Variants in KATNIP observed in about 807,000 individuals in gnomAD.
KATNIP encodes the protein katanin interacting protein.
KATNIP carries 126 observed loss-of-function variants against 174.0 expected under a neutral mutation model. The ratio of observed to expected loss-of-function variants is 0.72; its 90% CI spans 0.63 to 0.84. KATNIP has a LOEUF of 0.84. Ranked by LOEUF, KATNIP falls within the 40% of genes least tolerant of loss-of-function variation. KATNIP has a pLI of 0.00. For synonymous variants in KATNIP, 810 were observed against 835.7 expected, an observed-to-expected ratio of 0.97 and a Z score of 0.53; for missense variants, 1,958 against 2,109.7, an observed-to-expected ratio of 0.93 and a Z score of 1.41.
In KATNIP at chr16:27,740,801, G is replaced by A. The variant is rs781637722; in HGVS notation, c.2504G>A (p.Ser835Asn). The A allele has an allele frequency of 3.1e-6, 5 of 1,614,168 alleles. No individual in the cohort carries two copies. In the South Asian group the frequency reaches 5.5e-5, roughly 18 times the overall value. Residue 835 changes from serine (S) to asparagine (N), a missense_variant, in exon 15 of 28, where the codon AGT becomes AAT. By Grantham distance (46) the Ser-to-Asn change is conservative. Transcript: ENST00000261588. ...CAGAGGGCAACCACCAAAGTCCACA[G>A]TGATGACTCAGACATCTTTAACCAG... is the stretch of plus-strand genomic sequence containing the variant. ...RPQRATTKVH[S>N]DDSDIFNQPP...
chr16:27,598,695 T>C (rs979367961), intron 2 of KATNIP, among the ~76,000 whole-genome samples: 1 of 152,216 alleles, frequency 6.6e-6, no homozygotes, highest in Non-Finnish European at 1.5e-5. Context: ...CAGCCTGCCC[T>C]GGGAGCTGAT....
At chr16:27,624,585 G>A (rs62029115) in intron 3 of KATNIP, among the ~76,000 whole-genome samples, 1 of 152,118 alleles carries the variant, frequency 6.6e-6, no homozygotes, top group Admixed American at 6.6e-5. Context: ...GGAAGCCAAG[G>A]TGGGTGGATC....
chr16:27,666,480 C>T (rs1048291271), intron 6 of KATNIP, among the ~76,000 whole-genome samples: 8 of 152,052 alleles, frequency 5.3e-5, no homozygotes, highest in African/African-American at 1.9e-4. Context: ...TATAGTGGTG[C>T]AGTCTTGACT....
chr16:27,741,552 A>G (rs960875024), intron 15 of KATNIP, among the ~76,000 whole-genome samples: 4 of 152,182 alleles, frequency 2.6e-5, no homozygotes, highest in Non-Finnish European at 5.9e-5. Flanking sequence ...TTTGGAGACC[A>G]TAAGCCCACC....
Position 27,575,486 on chromosome 16 carries a change from C to T in KATNIP, c.63+1530C>T, listed in dbSNP as rs760234959. On this transcript the variant is annotated intron_variant, in intron 2 of 27. Coordinates refer to ENST00000261588, the MANE Select transcript of KATNIP (RefSeq NM_015202.5). ...TGTGTGGCTCATCAGAAACACTGAC[C>T]AATCGAGAAATTCATCCAGACATAT... Among the ~76,000 whole-genome samples the T allele has an allele frequency of 4.7e-4, 72 of 152,162 alleles. 1 individual carries two copies. Among genetic ancestry groups the T allele is most frequent in the Non-Finnish European group, 7.3e-5 (5 of 68,028 alleles).
At chr16:27,550,218 T>A in intron 1 of KATNIP, 41 bp downstream of exon 1, 1 of 1,597,890 alleles carries the variant, frequency 6.3e-7, no homozygotes, top group Non-Finnish European at 8.6e-7. Context: ...GGGCTGTTAT[T>A]CTCCCATCCC....
chr16:27,599,261 C>G (rs1386271045), intron 2 of KATNIP, among the ~76,000 whole-genome samples: 1 of 152,200 alleles, frequency 6.6e-6, no homozygotes, highest in Non-Finnish European at 1.5e-5. Flanking sequence ...AACTCCGAAC[C>G]CGTACACCAG....
rs550239057 is a variant in KATNIP at position 27,734,474 on chromosome 16, G to A, written c.1744-5567G>A. On this transcript the variant is annotated intron_variant, in intron 14 of 27. Transcript: ENST00000261588. ...AGCACTTTGGGAGGGCGAGGTGGAC[G>A]GATCACCTGAGGTCAGGAGTTTGAG... Among the ~76,000 whole-genome samples the A allele has an allele frequency of 9.9e-5, 15 of 151,580 alleles. 1 individual carries two copies. The highest frequency in any genetic ancestry group is 4.2e-4 in the South Asian group (2 of 4,786).
rs1268887819 is a variant in KATNIP at position 27,777,501 on chromosome 16, C to T, written c.4552-109C>T. The T allele has an allele frequency of 2.9e-6, 3 of 1,036,660 alleles. No homozygotes were observed. Among genetic ancestry groups the T allele is most frequent in the East Asian group, 2.5e-5 (1 of 39,258 alleles). The allele number at this position is 1,036,660 out of a possible 1,614,324, so 64.2% of individuals were successfully genotyped here. A position where few individuals can be genotyped will look rare whatever the true frequency, so the allele number is the denominator to read the frequency against. Reference sequence around the variant, plus strand: ...ACAGTAGGCGCTTGTTCCTGACAGCCCCGTCTTCCCGAGGAGAAAGCCTTG... The same window carrying T: ...ACAGTAGGCGCTTGTTCCTGACAGCTCCGTCTTCCCGAGGAGAAAGCCTTG... On this transcript the variant is annotated intron_variant, in intron 25 of 27. Transcript: ENST00000261588. The surrounding 1 kb of genome is among the most constrained non-coding windows in gnomAD (Gnocchi z 4.4).
At position 27,677,848 on chromosome 16, in the gene KATNIP, G is replaced by A. The variant is rs778482247; in HGVS notation, c.660G>A (p.Pro220=). ...DILSEPEPED[P]ALVGHPRHDR... ...TCTCTGAGCCTGAGCCAGAGGACCC[G>A]GCACTGGTGGGCCATCCCAGACATG... Residue 220 remains proline, a synonymous_variant, in exon 7 of 28, where the codon CCG becomes CCA. Transcript: ENST00000261588. 5.5e-5 allele frequency: 88 copies of A among 1,614,158 alleles called. No individual in the cohort carries two copies. The highest frequency in any genetic ancestry group is 2.9e-4 in the African/African-American group (22 of 75,024).
rs954083758 is a variant in KATNIP, at chr16:27,637,829, G to T, written c.408+6667G>T. On this transcript the variant is annotated intron_variant, in intron 5 of 27. Coordinates refer to ENST00000261588, the MANE Select transcript of KATNIP (RefSeq NM_015202.5). This position sits in a 1 kb window ranked among gnomAD's most constrained non-coding sequence, Gnocchi z 4.7. Reference sequence around the variant, plus strand: ...GAGGGTTGAAACAGTAGAGCGCCACGTTTGGGTTCATATTTTGGGTTCATG... The same window carrying T: ...GAGGGTTGAAACAGTAGAGCGCCACTTTTGGGTTCATATTTTGGGTTCATG... 6.6e-6 allele frequency among the ~76,000 whole-genome samples: 1 copy of T among 152,168 alleles called. No individual in the cohort carries two copies. Among genetic ancestry groups the T allele is most frequent in the South Asian group, 2.1e-4 (1 of 4,820 alleles).
chr16:27,654,731 G>A lies in KATNIP; in HGVS notation c.540+5996G>A, dbSNP rs1250641607. On this transcript the variant is annotated intron_variant, in intron 6 of 27. Transcript: ENST00000261588. Reference sequence around the variant, plus strand: ...AAGGATCCTCTTAACTATTCAGGATGTGATGGTAAGATCAGTTTTCAGCAT... The same window carrying A: ...AAGGATCCTCTTAACTATTCAGGATATGATGGTAAGATCAGTTTTCAGCAT... 6 of 1,352,022 alleles carry A rather than the reference G, an allele frequency of 4.4e-6. No individual in the cohort carries two copies. In the African/African-American group the frequency reaches 8.8e-5, roughly 20 times the overall value. 83.8% of individuals were successfully genotyped at this position (1,352,022 alleles called of 1,614,324 possible). A position where few individuals can be genotyped will look rare whatever the true frequency, so the allele number is the denominator to read the frequency against.
chr16:27,691,057 T>A (rs2078714498), intron 8 of KATNIP, among the ~76,000 whole-genome samples: 1 of 152,214 alleles, frequency 6.6e-6, no homozygotes, highest in African/African-American at 2.4e-5. Context: ...ATTGCTATAA[T>A]AGACCCTTGT....
intron 2 of KATNIP, among the ~76,000 whole-genome samples, chr16:27,591,584 C>T (rs2075167856): frequency 6.6e-6 from 1 of 152,110 alleles, no homozygotes; most frequent in African/African-American, 2.4e-5. Context: ...TCTCACCTCT[C>T]AAATGGGGAT....
At chr16:27,701,887 G>A (rs2079112711) in intron 11 of KATNIP, among the ~76,000 whole-genome samples, 192 bp downstream of exon 11, 1 of 152,124 alleles carries the variant, frequency 6.6e-6, no homozygotes, top group Non-Finnish European at 1.5e-5. Flanking sequence ...CAAACTCCTG[G>A]GTTAAAATGA....
rs779555279 is a variant in KATNIP at position 27,749,658 on chromosome 16, T to C, written c.2698T>C (p.Trp900Arg). The C allele has an allele frequency of 3.1e-5, 49 of 1,606,106 alleles. No homozygotes were observed. Among genetic ancestry groups the C allele is most frequent in the Non-Finnish European group, 3.8e-5 (45 of 1,175,948 alleles). ...GCAGGAGCACACACTTCACGAGTCA[T>C]GGAGCTCCCTCAGTGCCTTCGACCG... Reference protein sequence around the residue: ...SEQEHTLHESWSSLSAFDRSH... With the variant: ...SEQEHTLHESRSSLSAFDRSH... The change falls in exon 16 of 28, where the codon TGG becomes CGG. Residue 900 changes from tryptophan (W) to arginine (R), a missense_variant. Transcript: ENST00000261588.
chr16:27,713,117 C>A (rs559572849), intron 13 of KATNIP, among the ~76,000 whole-genome samples: 2 of 152,210 alleles, frequency 1.3e-5, no homozygotes, highest in Admixed American at 6.5e-5. Flanking sequence ...CCATTTCAGA[C>A]CTCAGAGATT....
intron 2 of KATNIP, among the ~76,000 whole-genome samples, chr16:27,604,960 G>A (rs927358202): frequency 2.6e-5 from 4 of 152,130 alleles, no homozygotes; most frequent in African/African-American, 7.2e-5. Flanking sequence ...ATGGAGTCTC[G>A]TTCTGTTGTG....
intron 2 of KATNIP, among the ~76,000 whole-genome samples, chr16:27,587,916 CTTTTCTTTTT>C (rs1381083781): frequency 8.0e-6 from 1 of 124,772 alleles, no homozygotes; most frequent in African/African-American, 3.0e-5. Context: ...CTTTTCTTTT[CTTTTCTTTTT>C]TTTTTTTGAG....
Sources: allele counts gnomAD v4.1 joint callset (sites outside exome capture counted in the v4.1 genomes callset), GRCh38; gene constraint gnomAD v4.1.1; non-coding constraint Gnocchi (gnomAD v3.1); transcripts MANE v1.5; gene names NCBI Gene and HGNC (gene_info 2026-07-23, HGNC 2026-07-21).